IRF2: variants seen among roughly 807,000 people sequenced by gnomAD.
IRF2 encodes interferon regulatory factor 2.
IRF2 carries 15 observed loss-of-function variants against 40.6 expected under a neutral mutation model. The observed-to-expected ratio is 0.37, with a 90% confidence interval of 0.25 to 0.57. The LOEUF is 0.57. Among genes scored for constraint, IRF2 ranks in the 20% least tolerant of loss-of-function variants. IRF2 has a pLI of 0.77. For missense variants in IRF2, 317 were observed against 455.7 expected, an observed-to-expected ratio of 0.70 and a Z score of 2.77; for synonymous variants, 151 against 165.5, an observed-to-expected ratio of 0.91 and a Z score of 0.67.
chr4:184,461,827 C>T (rs959005477), intron 1 of IRF2, among the ~76,000 whole-genome samples: 2 of 152,074 alleles, frequency 1.3e-5, no homozygotes, highest in Non-Finnish European at 2.9e-5. Flanking sequence ...CCTGACTTCA[C>T]CAATAGTCAG....
intron 1 of IRF2, chr4:184,471,998 A>G (rs1739528316): frequency 6.6e-6 from 1 of 152,256 alleles, no homozygotes; most frequent in Non-Finnish European, 1.5e-5. Context: ...CTTGGATCTA[A>G]GAGACCAAAA....
At chr4:184,436,254 C>T (rs1030917677) in intron 1 of IRF2, among the ~76,000 whole-genome samples, 5 of 152,170 alleles carry the variant, frequency 3.3e-5, no homozygotes, top group East Asian at 1.9e-4. Flanking sequence ...GGATTACAGG[C>T]GTGAGCCACT....
chr4:184,429,250 G>A (rs900913300), intron 1 of IRF2, among the ~76,000 whole-genome samples, 180 bp from the exon 2 acceptor site: 4 of 152,210 alleles, frequency 2.6e-5, no homozygotes, highest in Non-Finnish European at 4.4e-5. Flanking sequence ...CCCTCGCACC[G>A]GCCAGGGGGC....
At chr4:184,412,171 C>G (rs1014660014) in intron 5 of IRF2, among the ~76,000 whole-genome samples, 1 of 152,160 alleles carries the variant, frequency 6.6e-6, no homozygotes, top group Non-Finnish European at 1.5e-5. Context: ...GCTCAAGAAC[C>G]TTTGCTATAA....
At chr4:184,419,916 G>A (rs1737422797) in intron 2 of IRF2, among the ~76,000 whole-genome samples, 2 of 152,196 alleles carry the variant, frequency 1.3e-5, no homozygotes, top group Non-Finnish European at 2.9e-5. Context: ...TGCCCAGGCT[G>A]CAGTGTAGTG....
chr4:184,404,650 C>G (rs1736784958), intron 6 of IRF2, among the ~76,000 whole-genome samples: 1 of 152,172 alleles, frequency 6.6e-6, no homozygotes, highest in Non-Finnish European at 1.5e-5. Context: ...AGGTCTAGAA[C>G]CCACGCCTTT....
Position 184,408,337 on chromosome 4 carries a change from G to T in IRF2, c.412-62C>A. 9.8e-7 allele frequency: 1 copy of T among 1,020,948 alleles called. No homozygotes were observed. Among genetic ancestry groups the T allele is most frequent in the Non-Finnish European group, 1.5e-6 (1 of 645,756 alleles). The allele number at this position is 1,020,948 out of a possible 1,614,324, so 63.2% of individuals were successfully genotyped here. ...TCCTTTCCCCTCCCTTCTCTTAGCT[G>T]AAATTCTACCCTCTGCCTACTTTCT... On this transcript the variant is annotated intron_variant, in intron 5 of 8. Transcript: ENST00000393593. This position sits in a 1 kb window ranked among gnomAD's most constrained non-coding sequence, Gnocchi z 4.9.
intron 1 of IRF2, among the ~76,000 whole-genome samples, chr4:184,437,029 G>T (rs1398887369): frequency 1.3e-5 from 2 of 151,990 alleles, no homozygotes; most frequent in African/African-American, 2.4e-5. Flanking sequence ...AGGACTACAG[G>T]TGCATCCACT....
intron 2 of IRF2, among the ~76,000 whole-genome samples, chr4:184,425,976 G>GGTTT (rs1737654283): frequency 4.5e-5 from 3 of 66,998 alleles, no homozygotes; most frequent in Non-Finnish European, 8.9e-5. Context: ...GCTCACTCCG[G>GGTTT]TTTTTGTTTG....
In IRF2 at chr4:184,408,131, A is replaced by G. The variant is rs767401817; in HGVS notation, c.529+27T>C. ...GCCCCAGGGGGCTGCTGGTATGTAT[A>G]AAAAATGAGACGTCAAAACAGTTTA... On this transcript the variant is annotated intron_variant, in intron 6 of 8. Transcript: ENST00000393593. This position sits in a 1 kb window ranked among gnomAD's most constrained non-coding sequence, Gnocchi z 4.9. 1 of 1,418,346 alleles carries G rather than the reference A, an allele frequency of 7.1e-7. No homozygotes were observed. The highest frequency in any genetic ancestry group is 1.0e-6 in the Non-Finnish European group (1 of 1,004,874). 87.9% of individuals were successfully genotyped at this position (1,418,346 alleles called of 1,614,324 possible).
At chr4:184,416,736 A>AG (rs1453490792) in intron 5 of IRF2, among the ~76,000 whole-genome samples, 1 of 152,136 alleles carries the variant, frequency 6.6e-6, no homozygotes, top group Admixed American at 6.5e-5. Flanking sequence ...AGTTCAAAAA[A>AG]AAGCTGAACT....
At chr4:184,401,288 C>A (rs949068501) in intron 6 of IRF2, among the ~76,000 whole-genome samples, 1 of 152,156 alleles carries the variant, frequency 6.6e-6, no homozygotes, top group African/African-American at 2.4e-5. Flanking sequence ...AGCACATTAT[C>A]TGATTTCTAC....
chr4:184,424,699 C>G (rs1737605909), intron 2 of IRF2, among the ~76,000 whole-genome samples: 1 of 152,188 alleles, frequency 6.6e-6, no homozygotes, highest in Non-Finnish European at 1.5e-5. Context: ...AAATAAATTC[C>G]TCTTCTTTAC....
At chr4:184,450,453 T>C (rs1203784064) in intron 1 of IRF2, among the ~76,000 whole-genome samples, 3 of 152,362 alleles carry the variant, frequency 2.0e-5, no homozygotes, top group Admixed American at 6.5e-5. Flanking sequence ...CTTAATGTAG[T>C]GAATAATAGC....
At chr4:184,452,240 G>C (rs1020535197) in intron 1 of IRF2, among the ~76,000 whole-genome samples, 1 of 152,202 alleles carries the variant, frequency 6.6e-6, no homozygotes, top group Admixed American at 6.5e-5. Flanking sequence ...GAGCAAAGGG[G>C]CTGGCTCTCC....
At chr4:184,438,741 A>C (rs1738181828) in intron 1 of IRF2, among the ~76,000 whole-genome samples, 1 of 152,236 alleles carries the variant, frequency 6.6e-6, no homozygotes, top group Non-Finnish European at 1.5e-5. Flanking sequence ...AAGGAGAAGC[A>C]TACCCTAAGA....
intron 1 of IRF2, among the ~76,000 whole-genome samples, chr4:184,462,004 T>G (rs777489540): frequency 1.4e-4 from 21 of 152,176 alleles, no homozygotes; most frequent in Admixed American, 3.3e-4. Context: ...TTCTAGGGCC[T>G]TACCTTCAAA....
At chr4:184,390,633 A>G in intron 8 of IRF2, 70 bp downstream of exon 8, 1 of 1,475,696 alleles carries the variant, frequency 6.8e-7, no homozygotes, top group South Asian at 1.1e-5. Context: ...AACCAGCAGC[A>G]AGGAAAGCCC....
intron 1 of IRF2, among the ~76,000 whole-genome samples, chr4:184,467,188 C>A (rs1739356868): frequency 6.6e-6 from 1 of 152,212 alleles, no homozygotes; most frequent in African/African-American, 2.4e-5. Context: ...TCCAGTCTTT[C>A]AACTGGTCCT....
Sources: gnomAD v4.1 joint callset for allele counts (sites outside exome capture counted in the v4.1 genomes callset) on GRCh38, gnomAD v4.1.1 for gene constraint, Gnocchi (gnomAD v3.1) non-coding constraint, MANE v1.5 for transcripts, NCBI Gene and HGNC (gene_info 2026-07-23, HGNC 2026-07-21) for gene names.